Variants in SYTL2 observed in about 807,000 individuals in gnomAD.
The protein encoded by SYTL2 is synaptotagmin-like protein 2.
A neutral mutation model predicts 198.7 loss-of-function variants in SYTL2; 165 were observed. The observed-to-expected ratio is 0.83, with a 90% CI of 0.73 to 0.94. The LOEUF (loss-of-function observed/expected upper bound fraction) is 0.94. SYTL2 is among the 40% of genes least tolerant of loss of function. The pLI, the probability that SYTL2 is intolerant of heterozygous loss-of-function variation, is 0.00. For missense variants in SYTL2, 2,835 were observed against 2,582.8 expected (o/e 1.10, Z -2.12); for synonymous variants, 966 against 917.7 (o/e 1.05, Z -0.95).
At chr11:85,755,713 A>C (rs1337069664) in intron 2 of SYTL2, among the ~76,000 whole-genome samples, 1 of 152,198 alleles carries the variant, frequency 6.6e-6, no homozygotes, top group African/African-American at 2.4e-5. Context: ...TTCAGACAGA[A>C]TCATAGAACT....
At chr11:85,829,117 TGCA>T in the SYTL2 span, among the ~76,000 whole-genome samples, 2 of 152,006 alleles carry the variant, frequency 1.3e-5, no homozygotes, top group African/African-American at 2.4e-5. Flanking sequence ...GGGGTAAATG[TGCA>T]GGTTTGTTAT....
At chr11:85,696,146 T>C (rs1488435988) in intron 19 of SYTL2, 37 bp downstream of exon 19, 4 of 1,581,340 alleles carry the variant, frequency 2.5e-6, no homozygotes, top group Admixed American at 1.7e-5. Flanking sequence ...CTAGAAAAAT[T>C]TGGCTCATGG....
intron 1 of SYTL2, among the ~76,000 whole-genome samples, chr11:85,796,373 G>A (rs866077033): frequency 6.6e-6 from 1 of 152,064 alleles, no homozygotes; most frequent in Non-Finnish European, 1.5e-5. Flanking sequence ...CTCTTATTTT[G>A]GGGCAGGAAA....
rs2089271581 is a variant in SYTL2 at position 85,726,947 on chromosome 11, G to A, written c.2411C>T (p.Ala804Val). Residue 804 changes from alanine (A) to valine (V), a missense_variant, in exon 8 of 20, where the codon GCT becomes GTT. Physicochemically the swap from Ala to Val is moderately conservative, Grantham distance 64 (BLOSUM62 0). Around this residue, in one of 3 missense-constraint regions of SYTL2, gnomAD observed 2,645 missense variants for 2,381.7 expected, o/e 1.11. Coordinates refer to ENST00000359152, the MANE Select transcript of SYTL2 (RefSeq NM_206927.4). ...TTTTTCATGAGTTATCTTAGCACCA[G>A]CTTTCTCTCCTTCCCAAAAGGATAT... ...DRISFWEGEK[A>V]GAKITHEKPT... The A allele has an allele frequency of 6.5e-7, 1 of 1,536,614 alleles. No individual in the cohort carries two copies. The highest frequency in any genetic ancestry group is 8.7e-7 in the Non-Finnish European group (1 of 1,146,992).
chr11:85,761,527 C>T (rs1197216951), intron 1 of SYTL2, among the ~76,000 whole-genome samples: 3 of 152,168 alleles, frequency 2.0e-5, no homozygotes, highest in African/African-American at 7.2e-5. Context: ...GACAGTAAGA[C>T]TTCTGGCTTT....
At chr11:85,832,747 T>C in the SYTL2 span, among the ~76,000 whole-genome samples, 1 of 148,854 alleles carries the variant, frequency 6.7e-6, no homozygotes, top group African/African-American at 2.4e-5. Flanking sequence ...TCTCAGCAGT[T>C]TGGGAGGATG....
chr11:85,778,860 C>T (rs1048792933), intron 1 of SYTL2, among the ~76,000 whole-genome samples: 3 of 152,130 alleles, frequency 2.0e-5, no homozygotes, highest in South Asian at 2.1e-4. Context: ...GCCAAGTAGT[C>T]CCAGCTACTT....
intron 12 of SYTL2, among the ~76,000 whole-genome samples, chr11:85,711,487 C>A (rs2086275118): frequency 6.6e-6 from 1 of 152,172 alleles, no homozygotes; most frequent in Non-Finnish European, 1.5e-5. Context: ...TAGTCTTTCC[C>A]AAAGTGCTGC....
intron 1 of SYTL2, among the ~76,000 whole-genome samples, chr11:85,781,849 T>C (rs1566018650): frequency 6.6e-6 from 1 of 152,206 alleles, no homozygotes; most frequent in Non-Finnish European, 1.5e-5. Context: ...ACTCCACCCC[T>C]GTGGCTTTGT....
Position 85,725,476 on chromosome 11 carries a change from G to A in SYTL2, c.3882C>T (p.Ser1294=). The A allele has an allele frequency of 6.2e-7, 1 of 1,613,958 alleles. No homozygotes were observed. The highest frequency in any genetic ancestry group is 8.5e-7 in the Non-Finnish European group (1 of 1,179,878). The change falls in exon 8 of 20, where the codon AGC becomes AGT. Residue 1294 remains serine, a synonymous_variant. Transcript: ENST00000359152. The part of the protein sequence containing the change: ...KKAESGECQL[S]TQNLIQMAAE... ...CAGCCATCTGAATCAAATTCTGTGTGCTTAGCTGGCACTCACCACTTTCAG... is the reference window on the plus strand; with the variant it reads ...CAGCCATCTGAATCAAATTCTGTGTACTTAGCTGGCACTCACCACTTTCAG...
intron 16 of SYTL2, 67 bp from the exon 17 acceptor site, chr11:85,700,660 C>T: frequency 1.7e-6 from 2 of 1,158,026 alleles, no homozygotes; most frequent in Non-Finnish European, 2.6e-6. Context: ...GTATAGGTCT[C>T]ATTACAGAAC....
At position 85,727,511 on chromosome 11, in the gene SYTL2, A is replaced by G. The variant is rs1173533378; in HGVS notation, c.1847T>C (p.Met616Thr). ...TGGGGTGCCTTTTTGGGACAAATTC[A>G]TGAATTTGGATTTGATATTCACATT... ...DNNVNIKSKF[M>T]NLSQKGTPKE... is the part of the protein sequence containing the mutation. Residue 616 changes from methionine (M) to threonine (T), a missense_variant, in exon 8 of 20, where the codon ATG becomes ACG. Met to Thr is a moderately conservative substitution (Grantham distance 81, BLOSUM62 -1). Around this residue, in one of 3 missense-constraint regions of SYTL2, gnomAD observed 2,645 missense variants for 2,381.7 expected, o/e 1.11. Coordinates refer to ENST00000359152, the MANE Select transcript of SYTL2 (RefSeq NM_206927.4). The G allele has an allele frequency of 6.5e-7, 1 of 1,536,114 alleles. No homozygotes were observed. The highest frequency in any genetic ancestry group is 1.2e-5 in the South Asian group (1 of 84,046).
Position 85,695,310 on chromosome 11 carries a change from A to C in SYTL2, c.6605T>G (p.Met2202Arg). 6.2e-7 allele frequency: 1 copy of C among 1,608,174 alleles called. No individual in the cohort carries two copies. Among genetic ancestry groups the C allele is most frequent in the African/African-American group, 1.3e-5 (1 of 74,852 alleles). The change falls in exon 20 of 20, where the codon ATG (methionine) becomes AGG (arginine). Residue 2202 changes from methionine to arginine, a missense_variant. Coordinates refer to ENST00000359152, the MANE Select transcript of SYTL2 (RefSeq NM_206927.4). ...AGCAACTTCCTCTGAAGTAGAGTCC[A>C]TCCAGTCCACTTCAGTCCCATAACT... is the stretch of plus-strand genomic sequence containing the variant. ...GKSYGTEVDW[M>R]DSTSEEVALW... is the part of the protein sequence containing the mutation.
At chr11:85,821,684 T>C in the SYTL2 span, among the ~76,000 whole-genome samples, 8 of 152,248 alleles carry the variant, frequency 5.3e-5, no homozygotes, top group Non-Finnish European at 1.0e-4. Context: ...GCTATATATA[T>C]GTCCATTTTC....
At chr11:85,729,038 A>C (rs1311998409) in intron 7 of SYTL2, among the ~76,000 whole-genome samples, 2 of 152,234 alleles carry the variant, frequency 1.3e-5, no homozygotes, top group African/African-American at 4.8e-5. Context: ...AAGAAGAGCT[A>C]GCTATCCTAA....
Position 85,734,436 on chromosome 11 carries a change from CT to C in SYTL2, c.892del (p.Ser298AlafsTer8). On this transcript the variant is annotated frameshift_variant, in exon 7 of 20. Transcript: ENST00000359152. LOFTEE classifies it high-confidence loss of function. ...GGTTAGGCCAGGTGACACAATTTTG[CT>C]TTTGGGTTCAAAGTTGTGATTATAA... ...LRYNHNFEPKSKIVSPGLTIH... is the reference protein window; with the variant it reads ...LRYNHNFEPKXKIVSPGLTIH... The C allele has an allele frequency of 6.2e-7, 1 of 1,614,206 alleles. No homozygotes were observed. The highest frequency in any genetic ancestry group is 1.3e-5 in the African/African-American group (1 of 75,052).
chr11:85,727,599 T>G lies in SYTL2; in HGVS notation c.1759A>C (p.Arg587=), dbSNP rs940172872. 9 of 1,535,950 alleles carry G rather than the reference T, an allele frequency of 5.9e-6. No individual in the cohort carries two copies. The African/African-American group carries it at 8.2e-5, about 14-fold the overall frequency. Residue 587 remains arginine (R), a synonymous_variant, in exon 8 of 20, where the codon AGA becomes CGA. Transcript: ENST00000359152. ...SPSKIELKPV[R]SDSPFQAEGD... The stretch of plus-strand genomic sequence containing the variant: ...TCTGCTTGGAATGGTGAGTCAGATC[T>G]CACAGGCTTCAATTCAATTTTGCTG...
intron 2 of SYTL2, among the ~76,000 whole-genome samples, chr11:85,750,413 A>G (rs1042440239): frequency 2.0e-5 from 3 of 152,136 alleles, no homozygotes; most frequent in Non-Finnish European, 4.4e-5. Context: ...AATCCAGCTC[A>G]AACACTGCCT....
intron 7 of SYTL2, among the ~76,000 whole-genome samples, chr11:85,728,650 G>A (rs1256831814): frequency 6.6e-6 from 1 of 152,068 alleles, no homozygotes; most frequent in Non-Finnish European, 1.5e-5. Flanking sequence ...TGACACTCCA[G>A]GAAGATATGC....
Sources: allele counts gnomAD v4.1 joint callset (sites outside exome capture counted in the v4.1 genomes callset), GRCh38; gene constraint gnomAD v4.1.1; regional missense constraint gnomAD v4.1.1; transcripts MANE v1.5; gene names NCBI Gene and HGNC (gene_info 2026-07-23, HGNC 2026-07-21).